EPHA5: variants seen among roughly 807,000 people sequenced by gnomAD.
EPHA5 encodes the protein EPH receptor A5.
EPHA5 carries 60 observed loss-of-function variants against 105.0 expected under a neutral mutation model. The observed-to-expected ratio is 0.57, with a 90% CI of 0.46 to 0.71. The LOEUF (loss-of-function observed/expected upper bound fraction) is 0.71, where lower values mean the gene tolerates loss of function less well. EPHA5 is among the 30% of genes least tolerant of loss of function. The probability of loss-of-function intolerance (pLI) is 0.00; values close to 1 mark genes in which losing one functional copy is unlikely to be tolerated. For synonymous variants in EPHA5, 513 were observed against 449.1 expected, an observed-to-expected ratio of 1.14 and a Z score of -1.80; for missense variants, 1,218 against 1,274.7, an observed-to-expected ratio of 0.96 and a Z score of 0.68.
intron 3 of EPHA5, among the ~76,000 whole-genome samples, chr4:65,544,941 G>GAAAA (rs11306441): frequency 6.9e-6 from 1 of 145,264 alleles, no homozygotes. Context: ...GATGAAGCTG[G>GAAAA]AAAAAAAAAA....
At chr4:65,363,369 A>T (rs568141627) in intron 11 of EPHA5, among the ~76,000 whole-genome samples, 1 of 151,686 alleles carries the variant, frequency 6.6e-6, no homozygotes. Context: ...GATGTGCAAA[A>T]CCACATAATT....
At chr4:65,617,602 C>A (rs184350167) in intron 2 of EPHA5, among the ~76,000 whole-genome samples, 273 of 152,222 alleles carry the variant, frequency 1.8e-3, no homozygotes, top group Admixed American at 0.013. Context: ...GAACACTTGG[C>A]ATGTCAACTC....
At chr4:65,666,727 G>C (rs1434331508) in intron 1 of EPHA5, among the ~76,000 whole-genome samples, 1 of 151,992 alleles carries the variant, frequency 6.6e-6, no homozygotes, top group Non-Finnish European at 1.5e-5. Context: ...AAATTGCTTA[G>C]AATTTAGACT....
intron 3 of EPHA5, among the ~76,000 whole-genome samples, chr4:65,523,895 A>G (rs1025638981): frequency 1.3e-5 from 2 of 151,878 alleles, no homozygotes; most frequent in African/African-American, 4.8e-5. Context: ...CTCCACTTTC[A>G]TATCACAAGA....
At chr4:65,472,812 C>T (rs1047114011) in intron 5 of EPHA5, among the ~76,000 whole-genome samples, 3 of 152,194 alleles carry the variant, frequency 2.0e-5, no homozygotes, top group Non-Finnish European at 4.4e-5. Flanking sequence ...GCTCCAAATT[C>T]TCTGACAGGC....
chr4:65,650,669 G>A, intron 1 of EPHA5, among the ~76,000 whole-genome samples: 1 of 151,704 alleles, frequency 6.6e-6, no homozygotes, highest in East Asian at 1.9e-4. Flanking sequence ...AAATCCTACT[G>A]ATTCTAACAC....
intron 2 of EPHA5, among the ~76,000 whole-genome samples, chr4:65,624,538 A>G (rs1745970120): frequency 6.6e-6 from 1 of 152,220 alleles, no homozygotes; most frequent in African/African-American, 2.4e-5. Context: ...ATATTTTAAT[A>G]AATTTGAGGC....
At chr4:65,403,101 A>G (rs988550719) in intron 8 of EPHA5, among the ~76,000 whole-genome samples, 1 of 152,338 alleles carries the variant, frequency 6.6e-6, no homozygotes, top group Non-Finnish European at 1.5e-5. Context: ...ATTCTTAAGA[A>G]AACTTCAAAC....
At chr4:65,346,404 T>C (rs1722230358) in intron 14 of EPHA5, among the ~76,000 whole-genome samples, 1 of 152,058 alleles carries the variant, frequency 6.6e-6, no homozygotes, top group Admixed American at 6.5e-5. Flanking sequence ...TATGGATTTT[T>C]CCTGTTTTTA....
chr4:65,511,015 C>G (rs1325995348), intron 3 of EPHA5, among the ~76,000 whole-genome samples: 1 of 152,118 alleles, frequency 6.6e-6, no homozygotes, highest in Admixed American at 6.6e-5. Flanking sequence ...CCACCTGTAT[C>G]ACTGAAGAAT....
chr4:65,332,363 A>C (rs1331247137), intron 15 of EPHA5, among the ~76,000 whole-genome samples: 1 of 151,850 alleles, frequency 6.6e-6, no homozygotes, highest in Non-Finnish European at 1.5e-5. Flanking sequence ...AAGACTTACT[A>C]ATAAGTAAAT....
chr4:65,634,981 C>G (rs908712544), intron 2 of EPHA5, among the ~76,000 whole-genome samples: 4 of 151,974 alleles, frequency 2.6e-5, no homozygotes, highest in Admixed American at 2.0e-4. Flanking sequence ...AACACGCACA[C>G]AAACACAAAC....
chr4:65,635,464 C>G (rs4410579), intron 2 of EPHA5, among the ~76,000 whole-genome samples: 5 of 152,038 alleles, frequency 3.3e-5, no homozygotes, highest in African/African-American at 1.2e-4. Context: ...GCAATACAAC[C>G]GATGCTCAGG....
At chr4:65,478,273 A>G (rs1412800294) in intron 5 of EPHA5, among the ~76,000 whole-genome samples, 1 of 152,218 alleles carries the variant, frequency 6.6e-6, no homozygotes, top group African/African-American at 2.4e-5. Context: ...TATTCATGAC[A>G]TGTAATGAAA....
chr4:65,326,241 T>C (rs914396023), intron 16 of EPHA5, among the ~76,000 whole-genome samples: 2 of 151,050 alleles, frequency 1.3e-5, no homozygotes, highest in African/African-American at 4.8e-5. Flanking sequence ...ATAATTTGAA[T>C]TACTTAGCTA....
chr4:65,337,079 T>G (rs1166299334), intron 14 of EPHA5, among the ~76,000 whole-genome samples: 1 of 152,124 alleles, frequency 6.6e-6, no homozygotes, highest in South Asian at 2.1e-4. Flanking sequence ...TTTTAATTTT[T>G]TTTTCTTTTT....
intron 8 of EPHA5, among the ~76,000 whole-genome samples, chr4:65,403,123 T>A (rs1377671899): frequency 6.6e-6 from 1 of 152,106 alleles, no homozygotes; most frequent in African/African-American, 2.4e-5. Flanking sequence ...CTCAAATAAA[T>A]AAGGACCAGA....
chr4:65,425,747 A>G (rs1339892219), intron 5 of EPHA5, among the ~76,000 whole-genome samples: 1 of 152,028 alleles, frequency 6.6e-6, no homozygotes, highest in African/African-American at 2.4e-5. Flanking sequence ...GTGGCTCACT[A>G]TTGTTGCCTG....
At chr4:65,530,419 TG>T (rs2149300432) in intron 3 of EPHA5, among the ~76,000 whole-genome samples, 1 of 89,934 alleles carries the variant, frequency 1.1e-5, no homozygotes, top group Non-Finnish European at 2.7e-5. Context: ...TACATTTGTG[TG>T]TGTGTGTGTG....
Sources: gnomAD v4.1 joint callset for allele counts (sites outside exome capture counted in the v4.1 genomes callset) on GRCh38, gnomAD v4.1.1 for gene constraint, MANE v1.5 for transcripts, NCBI Gene and HGNC (gene_info 2026-07-23, HGNC 2026-07-21) for gene names.